MAST1: variants seen among roughly 807,000 people sequenced by gnomAD.
The protein encoded by MAST1 is microtubule associated serine/threonine kinase 1.
MAST1 carries 40 observed loss-of-function variants against 124.6 expected under a neutral mutation model. That is an observed-to-expected ratio of 0.32 (90% CI 0.25 to 0.42). The LOEUF (loss-of-function observed/expected upper bound fraction) is 0.42. MAST1 is among the 10% of genes least tolerant of loss of function. The pLI is 1.00. For missense variants in MAST1, 1,558 were observed against 2,181.9 expected, an observed-to-expected ratio of 0.71 and a Z score of 5.70; for synonymous variants, 938 against 939.4, an observed-to-expected ratio of 1.00 and a Z score of 0.03.
In MAST1 at chr19:12,861,613, T is replaced by C. The variant is rs999158410; in HGVS notation, c.1366+2874T>C. ...GGGTATTCCAGAGACTGGAATGGCA[T>C]TGGATTTCATTCTGAATGCAACAGA... On this transcript the variant is annotated intron_variant, in intron 12 of 25. Coordinates refer to ENST00000251472, the MANE Select transcript of MAST1 (RefSeq NM_014975.3). Among the ~76,000 whole-genome samples, 37 of 152,296 alleles carry C rather than the reference T, an allele frequency of 2.4e-4. 1 individual carries two copies. Among genetic ancestry groups the C allele is most frequent in the South Asian group, 1.2e-3 (6 of 4,824 alleles).
At position 12,840,300 on chromosome 19, in the gene MAST1, T is replaced by C. The variant is rs1969809910; in HGVS notation, c.84-146T>C. The C allele has an allele frequency of 4.8e-6, 3 of 628,030 alleles. No individual in the cohort carries two copies. In the African/African-American group the frequency reaches 5.5e-5, roughly 11 times the overall value. The allele number at this position is 628,030 out of a possible 1,614,324, so 38.9% of individuals were successfully genotyped here. ...CAGTCCTGCCGAGGCCTGCACCACC[T>C]TTCTTCGAGAAACCCTCCCAGGGAG... On this transcript the variant is annotated intron_variant, in intron 1 of 25. Transcript: ENST00000251472.
intron 7 of MAST1, chr19:12,848,484 G>A (rs112996029): frequency 0.046 from 7,853 of 172,098 alleles, 694 homozygotes; most frequent in African/African-American, 0.18. Context: ...AAAATTAGCC[G>A]GGCGTGGTGG....
chr19:12,861,554 AG>A (rs1970082575), intron 12 of MAST1, among the ~76,000 whole-genome samples: 1 of 152,090 alleles, frequency 6.6e-6, no homozygotes, highest in Admixed American at 6.6e-5. Flanking sequence ...TGAGCAAGGG[AG>A]GGGAGATGAG....
chr19:12,842,274 GTCTCTCTC>G (rs545357104), intron 3 of MAST1, among the ~76,000 whole-genome samples: 1 of 150,966 alleles, frequency 6.6e-6, no homozygotes, highest in Non-Finnish European at 1.5e-5. Flanking sequence ...AGTGTTTACT[GTCTCTCTC>G]TCTCTCTCTC....
chr19:12,838,804 T>G lies in MAST1; in HGVS notation c.83+149T>G. The G allele has an allele frequency of 1.6e-6, 1 of 620,300 alleles. No homozygotes were observed. The highest frequency in any genetic ancestry group is 2.6e-6 in the Non-Finnish European group (1 of 388,170). 38.4% of individuals were successfully genotyped at this position (620,300 alleles called of 1,614,324 possible). On this transcript the variant is annotated intron_variant, in intron 1 of 25. Transcript: ENST00000251472. This position sits in a 1 kb window ranked among gnomAD's most constrained non-coding sequence, Gnocchi z 4.3. ...TGCGCCTTCCCGCCGGGGTTGGGGT[T>G]GAATGGGGGGTGGTGTGGGCCGAGT... is the stretch of plus-strand genomic sequence containing the variant.
rs947296643 is a variant in MAST1, at chr19:12,873,385, C to T, written c.3325C>T (p.Arg1109Cys). 5.0e-6 allele frequency: 8 copies of T among 1,613,942 alleles called. No homozygotes were observed. The highest frequency in any genetic ancestry group is 6.8e-6 in the Non-Finnish European group (8 of 1,180,010). ...GCAGTCGAACCTGCTGCATACTAGC[C>T]GCTCGCTGTCGTCGCTGAACCGCTC... ...TKQSNLLHTS[R>C]SLSSLNRSLS... Residue 1109 changes from arginine (R) to cysteine (C), a missense_variant, in exon 25 of 26, where the codon CGC becomes TGC. Physicochemically the swap from Arg to Cys is radical, Grantham distance 180. Transcript: ENST00000251472.
rs752517297 is a variant in MAST1, at chr19:12,858,413, A to G, written c.1129A>G (p.Ile377Val). ...KPPGENDFDT[I>V]KLISNGAYGA... ...GCCGGGGGAGAATGACTTCGATACC[A>G]TCAAGCTCATAAGCAACGGTGCCTA... Residue 377 changes from isoleucine (I) to valine (V), a missense_variant, in exon 11 of 26, where the codon ATC becomes GTC. By Grantham distance (29) the Ile-to-Val change is conservative. This residue lies in a region of MAST1 where 136 missense variants were observed against 160.9 expected (regional missense o/e 0.85). Transcript: ENST00000251472. The G allele has an allele frequency of 3.7e-6, 6 of 1,613,936 alleles. No homozygotes were observed. Among genetic ancestry groups the G allele is most frequent in the Middle Eastern group, 1.6e-4 (1 of 6,084 alleles).
In MAST1 at chr19:12,866,919, G is replaced by C. The variant is rs970612141; in HGVS notation, c.2139+157G>C. Among the ~76,000 whole-genome samples the C allele has an allele frequency of 3.3e-5, 5 of 151,958 alleles. No individual in the cohort carries two copies. The highest frequency in any genetic ancestry group is 7.4e-5 in the Non-Finnish European group (5 of 67,990). On this transcript the variant is annotated intron_variant, in intron 18 of 25. Coordinates refer to ENST00000251472, the MANE Select transcript of MAST1 (RefSeq NM_014975.3). The surrounding 1 kb of genome is among the most constrained non-coding windows in gnomAD (Gnocchi z 5.2). ...AGGTGGTAAGGCCACGCAAGAGGCA[G>C]GTTCGGGAGTCTATGGGACGGGCCT...
intron 22 of MAST1, 131 bp from the exon 23 acceptor site, chr19:12,870,693 A>G: frequency 1.0e-6 from 1 of 963,436 alleles, no homozygotes; most frequent in Non-Finnish European, 1.5e-6. Context: ...GGGGGGAGGA[A>G]TAATAACTAT....
chr19:12,855,061 T>C (rs565180148), intron 10 of MAST1, among the ~76,000 whole-genome samples: 10 of 151,980 alleles, frequency 6.6e-5, no homozygotes, highest in African/African-American at 2.4e-4. Context: ...TGAAACCCTG[T>C]CTCTACTAAA....
chr19:12,846,489 G>C (rs186534430), intron 4 of MAST1, among the ~76,000 whole-genome samples: 2 of 152,164 alleles, frequency 1.3e-5, no homozygotes, highest in Non-Finnish European at 2.9e-5. Flanking sequence ...AGGATGAGAA[G>C]GAGGGATCCA....
At position 12,874,788 on chromosome 19, in the gene MAST1, C is replaced by A. The variant is rs774201048; in HGVS notation, c.4631C>A (p.Thr1544Asn). ...GGCACCAAGCCTCAAGTGGGGCTGACCTCCCGGTGCCCTGCTGAAGCTGTG... is the reference window on the plus strand; with the variant it reads ...GGCACCAAGCCTCAAGTGGGGCTGAACTCCCGGTGCCCTGCTGAAGCTGTG... ...GSGTKPQVGL[T>N]SRCPAEAVPP... is the part of the protein sequence containing the mutation. Residue 1544 changes from threonine to asparagine, a missense_variant, in exon 26 of 26, where the codon ACC (threonine) becomes AAC (asparagine). Coordinates refer to ENST00000251472, the MANE Select transcript of MAST1 (RefSeq NM_014975.3). The surrounding 1 kb of genome is among the most constrained non-coding windows in gnomAD (Gnocchi z 6.6). 2.5e-6 allele frequency: 4 copies of A among 1,602,366 alleles called. No individual in the cohort carries two copies. The highest frequency in any genetic ancestry group is 3.4e-5 in the Admixed American group (2 of 59,506).
At chr19:12,861,214 C>A (rs1252924420) in intron 12 of MAST1, among the ~76,000 whole-genome samples, 1 of 152,024 alleles carries the variant, frequency 6.6e-6, no homozygotes, top group African/African-American at 2.4e-5. Flanking sequence ...GGCGCGCCTC[C>A]ACCATGCCCA....
chr19:12,863,884 C>A (rs1026754395), intron 12 of MAST1, among the ~76,000 whole-genome samples: 2 of 151,790 alleles, frequency 1.3e-5, no homozygotes, highest in East Asian at 3.9e-4. Flanking sequence ...GAGTTGGAGA[C>A]CAGCTTGGGC....
chr19:12,864,974 C>T, intron 13 of MAST1, 27 bp downstream of exon 13: 2 of 1,613,950 alleles, frequency 1.2e-6, no homozygotes, highest in Non-Finnish European at 1.7e-6. Flanking sequence ...CCCATCACTC[C>T]CTCTGTCCCT....
In MAST1 at chr19:12,843,270, G is replaced by A. The variant is rs1301483103; in HGVS notation, c.249-259G>A. Among the ~76,000 whole-genome samples, 1 of 152,084 alleles carries A rather than the reference G, an allele frequency of 6.6e-6. No homozygotes were observed. The highest frequency in any genetic ancestry group is 1.5e-5 in the Non-Finnish European group (1 of 68,006). The stretch of plus-strand genomic sequence containing the variant: ...GCTTCACTGGGTGGGGGCTTTTCCA[G>A]TTCTCGGTGTCCACTCTGAATGATA... On this transcript the variant is annotated intron_variant, in intron 3 of 25. Transcript: ENST00000251472. This position sits in a 1 kb window ranked among gnomAD's most constrained non-coding sequence, Gnocchi z 4.9.
rs868652170 is a variant in MAST1, at chr19:12,852,245, C to A, written c.1007C>A (p.Pro336Gln). 1 of 1,613,940 alleles carries A rather than the reference C, an allele frequency of 6.2e-7. No individual in the cohort carries two copies. The highest frequency in any genetic ancestry group is 1.3e-5 in the African/African-American group (1 of 74,950). The change falls in exon 9 of 26, where the codon CCA becomes CAA. Residue 336 changes from proline (P) to glutamine (Q), a missense_variant and splice_region_variant. Around this residue, in one of 10 missense-constraint regions of MAST1, gnomAD observed 136 missense variants for 160.9 expected, o/e 0.85. Transcript: ENST00000251472. ...CTGGGCCTCACCCGTGACCCCTTTC[C>A]AGGTGCCGGCTGGTGGGCGCAGGGG... ...RQLGLTRDPF[P>Q]DVVHLEEQDS...
At chr19:12,839,140 T>C (rs963139360) in intron 1 of MAST1, among the ~76,000 whole-genome samples, 1 of 110,870 alleles carries the variant, frequency 9.0e-6, no homozygotes, top group Admixed American at 1.1e-4. Flanking sequence ...AAAGGGGGGG[T>C]TTATCATAAC....
At position 12,838,713 on chromosome 19, in the gene MAST1, G is replaced by A; in HGVS notation, c.83+58G>A. The A allele has an allele frequency of 6.6e-7, 1 of 1,525,096 alleles. No homozygotes were observed. Among genetic ancestry groups the A allele is most frequent in the South Asian group, 1.1e-5 (1 of 87,866 alleles). The allele number at this position is 1,525,096 out of a possible 1,614,324, so 94.5% of individuals were successfully genotyped here. ...CCCTCCCCGCAAAAGCCGCCGCTCC[G>A]GGTACTGCTGCAGGGCGGGGCCCGG... On this transcript the variant is annotated intron_variant, in intron 1 of 25. Coordinates refer to ENST00000251472, the MANE Select transcript of MAST1 (RefSeq NM_014975.3). The surrounding 1 kb of genome is among the most constrained non-coding windows in gnomAD (Gnocchi z 4.3).
Sources: gnomAD v4.1 joint callset for allele counts (sites outside exome capture counted in the v4.1 genomes callset) on GRCh38, gnomAD v4.1.1 for gene constraint, gnomAD v4.1.1 regional missense constraint, Gnocchi (gnomAD v3.1) non-coding constraint, MANE v1.5 for transcripts, NCBI Gene and HGNC (gene_info 2026-07-23, HGNC 2026-07-21) for gene names.